Variants in NBEA observed in about 807,000 individuals in gnomAD.
NBEA encodes the protein lysosomal-trafficking regulator 2.
A neutral mutation model predicts 343.4 loss-of-function variants in NBEA; 44 were observed. The ratio of observed to expected loss-of-function variants is 0.13; its 90% CI spans 0.10 to 0.16. The LOEUF (loss-of-function observed/expected upper bound fraction) is 0.16, where lower values mean the gene tolerates loss of function less well. Ranked by LOEUF, NBEA falls within the 10% of genes least tolerant of loss-of-function variation. The pLI is 1.00. For synonymous variants in NBEA, 1,175 were observed against 1,238.7 expected (o/e 0.95, Z 1.08); for missense variants, 2,555 against 3,631.3 (o/e 0.70, Z 7.62).
intron 2 of NBEA, among the ~76,000 whole-genome samples, chr13:35,042,924 A>G (rs2062707862): frequency 1.3e-5 from 2 of 151,864 alleles, no homozygotes; most frequent in Admixed American, 1.3e-4. Context: ...TTTTTATTTA[A>G]TAATGTAGTA....
rs898973138 is a variant in NBEA at position 35,430,794 on chromosome 13, A to T, written c.6180-1475A>T. On this transcript the variant is annotated intron_variant, in intron 38 of 58. Coordinates refer to ENST00000379939, the MANE Select transcript of NBEA (RefSeq NM_001385012.1). ...GCATGGTCTTCCTTAAATTACTGGG[A>T]TTAGTTTGTATTTGTAAGGACAGAA... Among the ~76,000 whole-genome samples, 4 of 152,118 alleles carry T rather than the reference A, an allele frequency of 2.6e-5. No homozygotes were observed. In the South Asian group the frequency reaches 8.3e-4, roughly 31 times the overall value.
Position 35,494,704 on chromosome 13 carries a change from A to G in NBEA, c.6585+22168A>G, listed in dbSNP as rs150992338. Among the ~76,000 whole-genome samples, 47 of 152,112 alleles carry G rather than the reference A, an allele frequency of 3.1e-4. No individual in the cohort carries two copies. The East Asian group carries it at 6.4e-3, about 21-fold the overall frequency. On this transcript the variant is annotated intron_variant, in intron 41 of 58. Coordinates refer to ENST00000379939, the MANE Select transcript of NBEA (RefSeq NM_001385012.1). ...ATATCAATAATAGCATTAAATGTAA[A>G]TGGATTAAACAGTCCAATAAAAAAT... is the stretch of plus-strand genomic sequence containing the variant.
intron 34 of NBEA, among the ~76,000 whole-genome samples, chr13:35,241,614 A>G (rs529650306): frequency 6.6e-6 from 1 of 151,916 alleles, no homozygotes; most frequent in Non-Finnish European, 1.5e-5. Context: ...TGAGAGTAAC[A>G]TGAGCAATAT....
At chr13:34,993,740 A>G (rs1419540466) in intron 1 of NBEA, among the ~76,000 whole-genome samples, 2 of 152,204 alleles carry the variant, frequency 1.3e-5, no homozygotes, top group Admixed American at 1.3e-4. Context: ...AGTGCGGAAC[A>G]TTATGTCCAA....
intron 1 of NBEA, among the ~76,000 whole-genome samples, chr13:35,010,741 A>AT (rs1233348410): frequency 4.4e-4 from 14 of 31,952 alleles, no homozygotes; most frequent in African/African-American, 1.2e-3. Flanking sequence ...AAAAAAAAAA[A>AT]ATATATATAT....
At chr13:34,999,792 T>C (rs375301673) in intron 1 of NBEA, among the ~76,000 whole-genome samples, 5 of 50,782 alleles carry the variant, frequency 9.8e-5, no homozygotes, top group Admixed American at 9.0e-4. Flanking sequence ...AACACAGTTA[T>C]ATGTTTAGGT....
At chr13:34,951,839 T>G (rs1410649645) in intron 1 of NBEA, among the ~76,000 whole-genome samples, 1 of 152,196 alleles carries the variant, frequency 6.6e-6, no homozygotes, top group Non-Finnish European at 1.5e-5. Context: ...GAGTATTTGC[T>G]TAAATATTTA....
chr13:35,354,441 C>T (rs1243816770), intron 38 of NBEA, among the ~76,000 whole-genome samples: 2 of 152,110 alleles, frequency 1.3e-5, no homozygotes, highest in African/African-American at 4.8e-5. Context: ...AGGACAGTGA[C>T]CTCCATAGCA....
intron 17 of NBEA, among the ~76,000 whole-genome samples, chr13:35,135,925 A>C (rs2067700644): frequency 6.6e-6 from 1 of 151,974 alleles, no homozygotes; most frequent in Non-Finnish European, 1.5e-5. Flanking sequence ...CCCCCCTCAA[A>C]AAAAAGAAAA....
chr13:35,419,805 C>T (rs2044161586), intron 38 of NBEA, among the ~76,000 whole-genome samples: 1 of 151,862 alleles, frequency 6.6e-6, no homozygotes, highest in Non-Finnish European at 1.5e-5. Context: ...GACCAAAACC[C>T]AGAATAACCT....
intron 8 of NBEA, among the ~76,000 whole-genome samples, chr13:35,067,316 C>T (rs1264186111): frequency 6.6e-6 from 1 of 150,830 alleles, no homozygotes; most frequent in African/African-American, 2.4e-5. Context: ...CTTCCATCTA[C>T]CTTCTTTGTT....
At chr13:35,021,368 G>A (rs118182531) in intron 1 of NBEA, among the ~76,000 whole-genome samples, 6,958 of 152,108 alleles carry the variant, frequency 0.046, 238 homozygotes, top group Non-Finnish European at 0.067. Flanking sequence ...GCATTTTTTT[G>A]TAGACAGATT....
intron 39 of NBEA, among the ~76,000 whole-genome samples, chr13:35,445,586 A>G (rs975905714): frequency 6.6e-6 from 1 of 151,766 alleles, no homozygotes; most frequent in East Asian, 1.9e-4. Context: ...TGTAAAGTAC[A>G]TGAAAAGTAA....
chr13:35,507,281 G>A (rs980730508), intron 41 of NBEA, among the ~76,000 whole-genome samples: 12 of 151,826 alleles, frequency 7.9e-5, no homozygotes, highest in African/African-American at 2.9e-4. Context: ...ACCTAATGTT[G>A]GAGTGTCCCA....
chr13:35,194,272 A>G (rs1050164735), intron 30 of NBEA, among the ~76,000 whole-genome samples: 3 of 152,078 alleles, frequency 2.0e-5, no homozygotes, highest in Admixed American at 6.6e-5. Flanking sequence ...ATCACACCCA[A>G]CAATTCTATC....
At chr13:35,468,390 A>G (rs138811921) in intron 40 of NBEA, among the ~76,000 whole-genome samples, 249 of 152,328 alleles carry the variant, frequency 1.6e-3, no homozygotes, top group African/African-American at 5.7e-3. Context: ...TGTGCATACC[A>G]CAAAAATACC....
intron 1 of NBEA, among the ~76,000 whole-genome samples, chr13:35,010,635 C>A (rs1201650308): frequency 7.0e-6 from 1 of 142,724 alleles, no homozygotes; most frequent in African/African-American, 2.6e-5. Context: ...GTAATCCCAG[C>A]AGCTTGGGGA....
rs148800491 is a variant in NBEA at position 35,438,389 on chromosome 13, G to A, written c.6304+5996G>A. Among the ~76,000 whole-genome samples the A allele has an allele frequency of 3.6e-3, 547 of 152,298 alleles. 4 individuals are homozygous for A. The highest frequency in any genetic ancestry group is 0.013 in the African/African-American group (520 of 41,568). ...TTTTCAGCCATCAAGAATAAGAAAG[G>A]CAGTGAGAATAGAAAAATACTAAGA... On this transcript the variant is annotated intron_variant, in intron 39 of 58. Transcript: ENST00000379939.
At chr13:35,565,097 A>T (rs1395472599) in intron 44 of NBEA, among the ~76,000 whole-genome samples, 1 of 152,226 alleles carries the variant, frequency 6.6e-6, no homozygotes, top group Non-Finnish European at 1.5e-5. Flanking sequence ...TGGTGAGGCA[A>T]CACAGGGGAA....
Sources: allele counts gnomAD v4.1 joint callset (sites outside exome capture counted in the v4.1 genomes callset), GRCh38; gene constraint gnomAD v4.1.1; transcripts MANE v1.5; gene names NCBI Gene and HGNC (gene_info 2026-07-23, HGNC 2026-07-21).